WDR35: variants seen among roughly 807,000 people sequenced by gnomAD.
The protein encoded by WDR35 is WD repeat-containing protein 35.
Under a neutral mutation model 158.3 loss-of-function variants are expected in WDR35, and 118 were observed. The observed-to-expected ratio is 0.75, with a 90% CI of 0.64 to 0.87. The LOEUF (loss-of-function observed/expected upper bound fraction) is 0.87, where lower values mean the gene tolerates loss of function less well. Ranked by LOEUF, WDR35 falls within the 40% of genes least tolerant of loss-of-function variation. WDR35 has a pLI of 0.00. For missense variants in WDR35, 1,263 were observed against 1,405.8 expected, an observed-to-expected ratio of 0.90 and a Z score of 1.62; for synonymous variants, 448 against 476.1, an observed-to-expected ratio of 0.94 and a Z score of 0.77.
At chr2:19,969,672 A>G in intron 8 of WDR35, 67 bp from the exon 9 acceptor site, 1 of 1,522,986 alleles carries the variant, frequency 6.6e-7, no homozygotes, top group Non-Finnish European at 9.0e-7. Context: ...ACCACCAATC[A>G]CTTCACAGAG....
chr2:19,971,372 C>T (rs576334380), intron 8 of WDR35, among the ~76,000 whole-genome samples: 49 of 152,320 alleles, frequency 3.2e-4, no homozygotes, highest in African/African-American at 1.1e-3. Flanking sequence ...ATGGCTGGGA[C>T]TACTGCCATT....
rs749877948 is a variant in WDR35 at position 19,989,973 on chromosome 2, C to G, written c.24+19G>C. The G allele has an allele frequency of 4.3e-6, 7 of 1,613,392 alleles. No individual in the cohort carries two copies. In the African/African-American group the frequency reaches 5.3e-5, roughly 12 times the overall value. The stretch of plus-strand genomic sequence containing the variant: ...TGCGGGAATGGCGGAGAAACGAGGA[C>G]GCCCCCCAGGAAACTCACTTTCTTG... On this transcript the variant is annotated intron_variant, in intron 1 of 26. Coordinates refer to ENST00000281405, the MANE Select transcript of WDR35 (RefSeq NM_020779.4).
chr2:19,924,659 C>T (rs571665494), intron 25 of WDR35, among the ~76,000 whole-genome samples: 56 of 152,264 alleles, frequency 3.7e-4, no homozygotes, highest in Admixed American at 7.2e-4. Flanking sequence ...GGCTGCTCTG[C>T]GACCTATCAG....
intron 16 of WDR35, among the ~76,000 whole-genome samples, chr2:19,943,814 C>G (rs1670951373): frequency 6.6e-6 from 1 of 152,036 alleles, no homozygotes. Flanking sequence ...TCCTAATTCT[C>G]AAAGAAAATG....
rs111795637 is a variant in WDR35 at position 19,948,390 on chromosome 2, C to G, written c.1471-173G>C. Among the ~76,000 whole-genome samples, 483 of 152,262 alleles carry G rather than the reference C, an allele frequency of 3.2e-3. 4 individuals carry two copies. Among genetic ancestry groups the G allele is most frequent in the African/African-American group, 0.011 (464 of 41,532 alleles). On this transcript the variant is annotated intron_variant, in intron 13 of 26. Coordinates refer to ENST00000281405, the MANE Select transcript of WDR35 (RefSeq NM_020779.4). ...CACTGAACTAAGCACTAGAGATACT[C>G]AGATGAAATCTTCATCTTCAGAGAT...
rs761014042 is a variant in WDR35 at position 19,974,637 on chromosome 2, A to C, written c.571-4T>G. On this transcript the variant is annotated splice_polypyrimidine_tract_variant and splice_region_variant and intron_variant, in intron 6 of 26. Transcript: ENST00000281405. ...AACAACTCAGTTTCATTTTTATCTA[A>C]ATAAAATTGGTTAGGTTTAATATTT... 2 of 1,612,198 alleles carry C rather than the reference A, an allele frequency of 1.2e-6. No individual in the cohort carries two copies. The highest frequency in any genetic ancestry group is 1.1e-5 in the South Asian group (1 of 90,836).
intron 5 of WDR35, among the ~76,000 whole-genome samples, chr2:19,976,208 A>G (rs1004495157): frequency 1.3e-5 from 2 of 152,212 alleles, no homozygotes; most frequent in African/African-American, 4.8e-5. Flanking sequence ...ATTTAAACAC[A>G]TGCAGATCTA....
At chr2:19,953,587 G>T (rs1471116874) in intron 12 of WDR35, among the ~76,000 whole-genome samples, 1 of 152,156 alleles carries the variant, frequency 6.6e-6, no homozygotes, top group Non-Finnish European at 1.5e-5. Context: ...GGTAAGTGAG[G>T]ACAGCCATTT....
intron 25 of WDR35, among the ~76,000 whole-genome samples, chr2:19,919,796 A>G (rs889724272): frequency 1.3e-5 from 2 of 152,176 alleles, no homozygotes; most frequent in Non-Finnish European, 2.9e-5. Context: ...GAATCCAGGA[A>G]CTGGTTTTTT....
intron 10 of WDR35, among the ~76,000 whole-genome samples, chr2:19,965,680 G>A (rs1244732783): frequency 2.0e-5 from 3 of 152,206 alleles, no homozygotes; most frequent in African/African-American, 7.2e-5. Flanking sequence ...TCAGCGCAGA[G>A]ACTCTTTGAT....
intron 8 of WDR35, among the ~76,000 whole-genome samples, 192 bp from the exon 9 acceptor site, chr2:19,969,797 G>C (rs1286272147): frequency 6.6e-6 from 1 of 150,930 alleles, no homozygotes; most frequent in Non-Finnish European, 1.5e-5. Context: ...ACCCAGGCTG[G>C]AGTGCAGTGG....
chr2:19,960,625 A>G lies in WDR35; in HGVS notation c.1195-11T>C. ...AAGAACTAGTACAAACTGTGAACAA[A>G]TAAAACAAAAAGTATCAGAACTCCT... is the stretch of plus-strand genomic sequence containing the variant. On this transcript the variant is annotated splice_polypyrimidine_tract_variant and intron_variant, in intron 10 of 26. Coordinates refer to ENST00000281405, the MANE Select transcript of WDR35 (RefSeq NM_020779.4). The G allele has an allele frequency of 6.3e-7, 1 of 1,597,548 alleles. No homozygotes were observed. The highest frequency in any genetic ancestry group is 8.6e-7 in the Non-Finnish European group (1 of 1,166,356).
rs1669888842 is a variant in WDR35, at chr2:19,913,252, G to GA, written c.*305dup. On this transcript the variant is annotated 3_prime_UTR_variant, in exon 27 of 27. Transcript: ENST00000281405. ...GAATTCAGTTACCTTGACACTGTGA[G>GA]AAAAAAATTTATTTGGAATATTTCC... The GA allele has an allele frequency of 3.9e-6, 1 of 253,966 alleles. No individual in the cohort carries two copies. The highest frequency in any genetic ancestry group is 7.6e-6 in the Non-Finnish European group (1 of 131,160). The allele number at this position is 253,966 out of a possible 1,614,324, so 15.7% of individuals were successfully genotyped here.
rs530383200 is a variant in WDR35 at position 19,911,102 on chromosome 2, G to T, written c.*2456C>A. 6.6e-6 allele frequency: 1 copy of T among 152,224 alleles called. No individual in the cohort carries two copies. Among genetic ancestry groups the T allele is most frequent in the South Asian group, 2.1e-4 (1 of 4,822 alleles). 9.4% of individuals were successfully genotyped at this position (152,224 alleles called of 1,614,324 possible). On this transcript the variant is annotated 3_prime_UTR_variant, in exon 27 of 27. Coordinates refer to ENST00000281405, the MANE Select transcript of WDR35 (RefSeq NM_020779.4). ...ATCTACCTGGAATAATTCGTTGGTG[G>T]GAAAATTCTAGGGCTCAGGCAGCAC...
chr2:19,928,916 C>T (rs1670443036), intron 25 of WDR35, among the ~76,000 whole-genome samples: 1 of 152,122 alleles, frequency 6.6e-6, no homozygotes, highest in African/African-American at 2.4e-5. Context: ...ACACCATTCT[C>T]CTGCTTCAGC....
At chr2:19,947,792 G>C (rs749092294) in intron 14 of WDR35, among the ~76,000 whole-genome samples, 3 of 152,044 alleles carry the variant, frequency 2.0e-5, no homozygotes, top group Non-Finnish European at 4.4e-5. Flanking sequence ...GTTAGAAACT[G>C]TAAGTGTACT....
intron 20 of WDR35, 148 bp from the exon 21 acceptor site, chr2:19,935,751 TAAATGGGGAA>T: frequency 1.1e-6 from 1 of 948,308 alleles, no homozygotes; most frequent in Non-Finnish European, 1.5e-6. Context: ...TTCAAACATA[TAAATGGGGAA>T]AAAAATCTAA....
chr2:19,989,173 G>GTC lies in WDR35; in HGVS notation c.132_133dup (p.Thr45ArgfsTer9). On this transcript the variant is annotated frameshift_variant, in exon 2 of 27. Coordinates refer to ENST00000281405, the MANE Select transcript of WDR35 (RefSeq NM_020779.4). LOFTEE classifies it high-confidence loss of function. ...GGCTTGCATTCATTTACCTGTCTGC[G>GTC]TCTCTAATTTCAAAACTTTCAGTAA... The GTC allele has an allele frequency of 6.2e-7, 1 of 1,614,002 alleles. No homozygotes were observed. Among genetic ancestry groups the GTC allele is most frequent in the Non-Finnish European group, 8.5e-7 (1 of 1,179,930 alleles).
At chr2:19,946,059 A>C in intron 15 of WDR35, 63 bp from the exon 16 acceptor site, 1 of 1,476,030 alleles carries the variant, frequency 6.8e-7, no homozygotes, top group South Asian at 1.2e-5. Context: ...AATCATGAGA[A>C]TAATTACCTA....
Sources: allele counts gnomAD v4.1 joint callset (sites outside exome capture counted in the v4.1 genomes callset), GRCh38; gene constraint gnomAD v4.1.1; transcripts MANE v1.5; gene names NCBI Gene and HGNC (gene_info 2026-07-23, HGNC 2026-07-21).